The following CTNNBL1 variants were observed in gnomAD, a reference collection of about 807,000 sequenced individuals.
CTNNBL1 encodes beta-catenin-like protein 1.
Under a neutral mutation model 72.7 loss-of-function variants are expected in CTNNBL1, and 31 were observed. That is an observed-to-expected ratio of 0.43 (90% CI 0.32 to 0.58). The LOEUF (loss-of-function observed/expected upper bound fraction) is 0.58. CTNNBL1 is among the 20% of genes least tolerant of loss of function. The pLI is 0.08. For synonymous variants in CTNNBL1, 240 were observed against 267.3 expected (o/e 0.90, Z 1.00); for missense variants, 534 against 725.1 (o/e 0.74, Z 3.03).
At chr20:37,799,615 T>G (rs1600495425) in intron 10 of CTNNBL1, among the ~76,000 whole-genome samples, 1 of 152,382 alleles carries the variant, frequency 6.6e-6, no homozygotes, top group Non-Finnish European at 1.5e-5. Flanking sequence ...TTAATTTCCA[T>G]TGCTTCAGAC....
At chr20:37,848,934 C>A (rs933903426) in intron 13 of CTNNBL1, among the ~76,000 whole-genome samples, 2 of 152,204 alleles carry the variant, frequency 1.3e-5, no homozygotes, top group Non-Finnish European at 2.9e-5. Flanking sequence ...CTTAGCGAGT[C>A]CAAAACCAGG....
intron 9 of CTNNBL1, among the ~76,000 whole-genome samples, chr20:37,778,251 G>A (rs1260145319): frequency 6.6e-6 from 1 of 152,126 alleles, no homozygotes; most frequent in Admixed American, 6.5e-5. Context: ...ATGTTATTCT[G>A]CTGGCATTCT....
chr20:37,805,409 CTTT>C (rs11086324), intron 11 of CTNNBL1, among the ~76,000 whole-genome samples: 3 of 121,586 alleles, frequency 2.5e-5, no homozygotes, highest in Non-Finnish European at 5.1e-5. Flanking sequence ...TTTTTTTTTC[CTTT>C]TTTTTTTTTT....
chr20:37,863,980 G>A (rs1323492429), intron 15 of CTNNBL1, among the ~76,000 whole-genome samples: 1 of 152,218 alleles, frequency 6.6e-6, no homozygotes, highest in African/African-American at 2.4e-5. Context: ...CCAGTCTGCA[G>A]CAGGGTGTGG....
At chr20:37,747,345 A>G (rs1257739774) in intron 4 of CTNNBL1, among the ~76,000 whole-genome samples, 2 of 137,918 alleles carry the variant, frequency 1.5e-5, no homozygotes, top group Non-Finnish European at 3.0e-5. Flanking sequence ...ACTGTATGCT[A>G]CTCTGGGCAA....
At chr20:37,717,112 T>C (rs2072992604) in intron 1 of CTNNBL1, among the ~76,000 whole-genome samples, 1 of 147,986 alleles carries the variant, frequency 6.8e-6, no homozygotes, top group Admixed American at 6.7e-5. Context: ...TTTCTCTTTT[T>C]TTCCTGTCTC....
intron 7 of CTNNBL1, among the ~76,000 whole-genome samples, chr20:37,770,914 G>A (rs2073516835): frequency 6.6e-6 from 1 of 152,256 alleles, no homozygotes; most frequent in Non-Finnish European, 1.5e-5. Flanking sequence ...AAGAGGGCAT[G>A]TCCTTCGCAG....
At chr20:37,723,015 T>G (rs1447949396) in intron 1 of CTNNBL1, among the ~76,000 whole-genome samples, 3 of 152,232 alleles carry the variant, frequency 2.0e-5, no homozygotes, top group African/African-American at 7.2e-5. Context: ...TTCCAGTGAC[T>G]TTACAAGTAA....
chr20:37,788,682 T>C (rs2073699264), intron 10 of CTNNBL1, among the ~76,000 whole-genome samples: 1 of 152,274 alleles, frequency 6.6e-6, no homozygotes, highest in Non-Finnish European at 1.5e-5. Context: ...TATTCTCCTT[T>C]GCCTTTCAAC....
intron 15 of CTNNBL1, among the ~76,000 whole-genome samples, chr20:37,870,372 TG>T (rs2072573610): frequency 6.6e-6 from 1 of 152,038 alleles, no homozygotes; most frequent in East Asian, 1.9e-4. Context: ...GTCGGGGGAC[TG>T]CACCCCCCGA....
intron 11 of CTNNBL1, among the ~76,000 whole-genome samples, chr20:37,825,296 T>C (rs1405751476): frequency 2.0e-5 from 3 of 151,926 alleles, no homozygotes; most frequent in African/African-American, 7.3e-5. Context: ...GAAGTTGTAG[T>C]GAGCTGAGAT....
At chr20:37,828,571 A>G (rs926711708) in intron 11 of CTNNBL1, among the ~76,000 whole-genome samples, 7 of 152,208 alleles carry the variant, frequency 4.6e-5, no homozygotes, top group African/African-American at 1.7e-4. Flanking sequence ...AATGTGTTTC[A>G]TAGGATTGTT....
intron 4 of CTNNBL1, chr20:37,756,357 A>T (rs1424326535): frequency 6.6e-6 from 1 of 151,958 alleles, no homozygotes; most frequent in Non-Finnish European, 1.5e-5. Flanking sequence ...TTTAGTCATC[A>T]TGGGCATTCA....
chr20:37,744,738 G>T (rs2073247655), intron 3 of CTNNBL1: 2 of 152,112 alleles, frequency 1.3e-5, no homozygotes, highest in Non-Finnish European at 2.9e-5. Flanking sequence ...TATTGTAGTA[G>T]AATAATGATA....
intron 1 of CTNNBL1, among the ~76,000 whole-genome samples, chr20:37,710,195 C>G (rs1474213466): frequency 3.3e-5 from 5 of 152,202 alleles, no homozygotes; most frequent in Non-Finnish European, 7.3e-5. Context: ...TGCCTGAATT[C>G]TCTCATGACC....
At position 37,740,566 on chromosome 20, in the gene CTNNBL1, C is replaced by T. The variant is rs561583287; in HGVS notation, c.326+3082C>T. On this transcript the variant is annotated intron_variant, in intron 3 of 15. Coordinates refer to ENST00000361383, the MANE Select transcript of CTNNBL1 (RefSeq NM_030877.5). Reference sequence around the variant, plus strand: ...TAGAAAGTCCTTTAATAGTTCTTCTCTTCATTTTTGCAGGGACAGAATTAC... The same window carrying T: ...TAGAAAGTCCTTTAATAGTTCTTCTTTTCATTTTTGCAGGGACAGAATTAC... 5.9e-5 allele frequency among the ~76,000 whole-genome samples: 9 copies of T among 152,302 alleles called. No individual in the cohort carries two copies. In the South Asian group the frequency reaches 1.9e-3, roughly 32 times the overall value.
intron 7 of CTNNBL1, among the ~76,000 whole-genome samples, chr20:37,768,352 C>T (rs573518031): frequency 2.0e-5 from 3 of 152,286 alleles, no homozygotes; most frequent in Middle Eastern, 3.4e-3. Context: ...TCACTGTTAA[C>T]AATATTATAT....
intron 11 of CTNNBL1, among the ~76,000 whole-genome samples, chr20:37,827,084 A>G (rs935133162): frequency 6.6e-6 from 1 of 152,144 alleles, no homozygotes; most frequent in Admixed American, 6.5e-5. Context: ...CCTCCTATCA[A>G]TGGACTCATT....
chr20:37,817,035 T>C (rs2072066240), intron 11 of CTNNBL1, among the ~76,000 whole-genome samples: 1 of 152,204 alleles, frequency 6.6e-6, no homozygotes, highest in Non-Finnish European at 1.5e-5. Context: ...CATGATGTCA[T>C]TATCCCTAAC....
Sources: gnomAD v4.1 joint callset for allele counts (sites outside exome capture counted in the v4.1 genomes callset) on GRCh38, gnomAD v4.1.1 for gene constraint, MANE v1.5 for transcripts, NCBI Gene and HGNC (gene_info 2026-07-23, HGNC 2026-07-21) for gene names.